The following BAG1 variants were observed in gnomAD, a reference collection of about 807,000 sequenced individuals.
The protein encoded by BAG1 is BAG family molecular chaperone regulator 1.
In BAG1, 35 loss-of-function variants were observed where a neutral mutation model predicts 35.5. That is an observed-to-expected ratio of 0.99 (90% confidence interval 0.75 to 1.31). The LOEUF (loss-of-function observed/expected upper bound fraction) is 1.31, where lower values mean the gene tolerates loss of function less well. Ranked by LOEUF, BAG1 falls within the 50% of genes most tolerant of loss-of-function variation. BAG1 has a pLI of 0.00. For missense variants in BAG1, 464 were observed against 453.6 expected, an observed-to-expected ratio of 1.02 and a Z score of -0.21; for synonymous variants, 191 against 178.9, an observed-to-expected ratio of 1.07 and a Z score of -0.54.
Position 33,255,197 on chromosome 9 carries a change from C to T in BAG1, c.*22G>A, listed in dbSNP as rs1273321315. On this transcript the variant is annotated 3_prime_UTR_variant, in exon 7 of 7. Transcript: ENST00000634734. ...CTGGTGGCGCCATTCTTCAGGGCAGCACAGCCTTTTTCTGCTACACCTCAC... is the reference window on the plus strand; with the variant it reads ...CTGGTGGCGCCATTCTTCAGGGCAGTACAGCCTTTTTCTGCTACACCTCAC... The T allele has an allele frequency of 4.3e-6, 7 of 1,614,236 alleles. No individual in the cohort carries two copies. The highest frequency in any genetic ancestry group is 3.3e-5 in the Admixed American group (2 of 60,020).
rs566537688 is a variant in BAG1, at chr9:33,264,573, C to T, written c.102G>A (p.Glu34=). 6.8e-5 allele frequency: 97 copies of T among 1,419,368 alleles called. No individual in the cohort carries two copies. In the Admixed American group the frequency reaches 2.1e-3, roughly 30 times the overall value. 87.9% of individuals were successfully genotyped at this position (1,419,368 alleles called of 1,614,324 possible). Residue 34 remains glutamate (E), a synonymous_variant, in exon 1 of 7, where the codon GAG becomes GAA. Coordinates refer to ENST00000634734, the MANE Select transcript of BAG1 (RefSeq NM_004323.6). ...GAGGCGGACCACGCTGGGCCGGGGG[C>T]TCCGACTGGCGCGGCTCCCGGCCTG... is the stretch of plus-strand genomic sequence containing the variant.
rs889312053 is a variant in BAG1, at chr9:33,253,233, T to A, written c.*1986A>T. ...TGGGCCTGTGCAACCCTGTGTTGGT[T>A]GAGAGGCAGTACAGTAGAGGGGAAA... On this transcript the variant is annotated 3_prime_UTR_variant, in exon 7 of 7. Transcript: ENST00000634734. The A allele has an allele frequency of 2.0e-5, 3 of 152,176 alleles. No individual in the cohort carries two copies. The highest frequency in any genetic ancestry group is 4.4e-5 in the Non-Finnish European group (3 of 68,058). 9.4% of individuals were successfully genotyped at this position (152,176 alleles called of 1,614,324 possible).
chr9:33,261,682 CAA>C (rs977172534), intron 2 of BAG1, among the ~76,000 whole-genome samples: 1 of 152,066 alleles, frequency 6.6e-6, no homozygotes, highest in African/African-American at 2.4e-5. Flanking sequence ...AAATTAAAGA[CAA>C]TATGTTACAC....
At position 33,261,138 on chromosome 9, in the gene BAG1, C is replaced by T; in HGVS notation, c.612G>A (p.Leu204=). 6.2e-7 allele frequency: 1 copy of T among 1,610,456 alleles called. No homozygotes were observed. Among genetic ancestry groups the T allele is most frequent in the Non-Finnish European group, 8.5e-7 (1 of 1,178,660 alleles). Reference sequence around the variant, plus strand: ...AACCATCTTGTATTCCAAGTGCTGACAACGGTGTTTCCATTTCCTTCAGAG... The same window carrying T: ...AACCATCTTGTATTCCAAGTGCTGATAACGGTGTTTCCATTTCCTTCAGAG... Residue 204 remains leucine (L), a synonymous_variant, in exon 3 of 7, where the codon TTG becomes TTA. Coordinates refer to ENST00000634734, the MANE Select transcript of BAG1 (RefSeq NM_004323.6).
chr9:33,261,976 G>A, intron 2 of BAG1: 2 of 1,183,404 alleles, frequency 1.7e-6, no homozygotes, highest in Admixed American at 3.4e-5. Context: ...CCTCACGGAG[G>A]CTGTTATTTT....
intron 1 of BAG1, 97 bp downstream of exon 1, chr9:33,264,127 G>GC (rs1374881003): frequency 2.1e-6 from 3 of 1,403,670 alleles, no homozygotes; most frequent in Non-Finnish European, 2.9e-6. Flanking sequence ...CAGGACAAGC[G>GC]CAAGGTCACA....
chr9:33,264,665 G>A lies in BAG1; in HGVS notation c.10C>T (p.Arg4Cys), dbSNP rs1206328981. Residue 4 changes from arginine (R) to cysteine (C), a missense_variant, in exon 1 of 7, where the codon CGC (arginine) becomes TGC (cysteine). Transcript: ENST00000634734. ...CCTCGCGGTCTCCGCGCCCCCCCGCGCTGAGCCAGGCCCGCACTTGTTGAC... is the reference window on the plus strand; with the variant it reads ...CCTCGCGGTCTCCGCGCCCCCCCGCACTGAGCCAGGCCCGCACTTGTTGAC... 1.5e-6 allele frequency: 2 copies of A among 1,346,374 alleles called. No homozygotes were observed. Among genetic ancestry groups the A allele is most frequent in the South Asian group, 1.9e-5 (1 of 51,672 alleles). 83.4% of individuals were successfully genotyped at this position (1,346,374 alleles called of 1,614,324 possible).
Position 33,264,472 on chromosome 9 carries a change from C to G in BAG1, c.203G>C (p.Arg68Pro), listed in dbSNP as rs1564083190. 5 of 1,612,128 alleles carry G rather than the reference C, an allele frequency of 3.1e-6. No homozygotes were observed. In the African/African-American group the frequency reaches 4.0e-5, roughly 13 times the overall value. ...GGTTTTCTTCTTCATCCGCGGCCTG[C>G]GAGCGCCGGCGGCGGCGCCCCTGGT... The change falls in exon 1 of 7, where the codon CGC becomes CCC. Residue 68 changes from arginine (R) to proline (P), a missense_variant. Physicochemically the swap from Arg to Pro is moderately radical, Grantham distance 103. Transcript: ENST00000634734.
At chr9:33,256,532 C>T (rs545137686) in intron 5 of BAG1, among the ~76,000 whole-genome samples, 7 of 152,328 alleles carry the variant, frequency 4.6e-5, no homozygotes, top group African/African-American at 1.4e-4. Flanking sequence ...GTCCCAGCTT[C>T]ATGACGATTA....
chr9:33,262,892 C>T (rs914936567), intron 1 of BAG1, 62 bp from the exon 2 acceptor site: 159 of 1,584,766 alleles, frequency 1.0e-4, no homozygotes, highest in Non-Finnish European at 1.3e-4. Context: ...TATAGGATGA[C>T]ACTTTATCAC....
At position 33,256,912 on chromosome 9, in the gene BAG1, C is replaced by T. The variant is rs747479504; in HGVS notation, c.778-4G>A. ...GCAAATCCTTGGGCAGAAAACCCTG[C>T]GGGGAAATAATGCATTATTGCAAGG... On this transcript the variant is annotated splice_region_variant and splice_polypyrimidine_tract_variant and intron_variant, in intron 4 of 6. Transcript: ENST00000634734. 3.8e-5 allele frequency: 62 copies of T among 1,611,888 alleles called. No homozygotes were observed. Among genetic ancestry groups the T allele is most frequent in the Admixed American group, 1.2e-4 (7 of 59,966 alleles).
intron 3 of BAG1, chr9:33,260,473 C>G (rs1214823352): frequency 6.6e-6 from 1 of 152,174 alleles, no homozygotes; most frequent in Non-Finnish European, 1.5e-5. Flanking sequence ...TGTTTATCTG[C>G]CCTCTCTCTA....
Position 33,262,795 on chromosome 9 carries a change from G to C in BAG1, c.487C>G (p.Gln163Glu). Residue 163 changes from glutamine to glutamate, a missense_variant, in exon 2 of 7, where the codon CAG becomes GAG. Gln to Glu is a conservative substitution (Grantham distance 29). Transcript: ENST00000634734. Reference sequence around the variant, plus strand: ...TGGACAACTGGTTCACTGCTGCCCTGCTGGGAGGTAACATGAAGGTCGTGC... The same window carrying C: ...TGGACAACTGGTTCACTGCTGCCCTCCTGGGAGGTAACATGAAGGTCGTGC... 1 of 1,614,056 alleles carries C rather than the reference G, an allele frequency of 6.2e-7. No individual in the cohort carries two copies. The highest frequency in any genetic ancestry group is 8.5e-7 in the Non-Finnish European group (1 of 1,179,932).
At chr9:33,257,636 T>C (rs1197162642) in intron 4 of BAG1, 1 of 152,130 alleles carries the variant, frequency 6.6e-6, no homozygotes, top group Non-Finnish European at 1.5e-5. Flanking sequence ...AAACCAGGAA[T>C]GGTCAAAAAA....
chr9:33,263,508 G>C (rs993081924), intron 1 of BAG1, among the ~76,000 whole-genome samples: 4 of 152,172 alleles, frequency 2.6e-5, no homozygotes, highest in Admixed American at 2.6e-4. Flanking sequence ...TTACACCAAG[G>C]TTTGGTTCCC....
chr9:33,263,210 T>A (rs3758271), intron 1 of BAG1, among the ~76,000 whole-genome samples: 1 of 152,142 alleles, frequency 6.6e-6, no homozygotes, highest in African/African-American at 2.4e-5. Flanking sequence ...GAAGTTGATA[T>A]CAGATCTAGC....
chr9:33,255,198 ACAG>A lies in BAG1; in HGVS notation c.*18_*20del. 1 of 1,614,256 alleles carries A rather than the reference ACAG, an allele frequency of 6.2e-7. No individual in the cohort carries two copies. On this transcript the variant is annotated 3_prime_UTR_variant, in exon 7 of 7. Coordinates refer to ENST00000634734, the MANE Select transcript of BAG1 (RefSeq NM_004323.6). The stretch of plus-strand genomic sequence containing the variant: ...TGGTGGCGCCATTCTTCAGGGCAGC[ACAG>A]CCTTTTTCTGCTACACCTCACTCGG...
rs796698504 is a variant in BAG1, at chr9:33,259,361, C to CA, written c.664-329dup. ...CCAGGGTGACAGAGCGAGACTGTCT[C>CA]AAAAAAAAAAAAGAAAAAAGAAAAA... On this transcript the variant is annotated intron_variant, in intron 3 of 6. Coordinates refer to ENST00000634734, the MANE Select transcript of BAG1 (RefSeq NM_004323.6). 5.8e-3 allele frequency: 784 copies of CA among 134,386 alleles called. 3 individuals carry two copies. The highest frequency in any genetic ancestry group is 0.011 in the African/African-American group (380 of 35,186). The allele number at this position is 134,386 out of a possible 1,614,324, so 8.3% of individuals were successfully genotyped here. A position where few individuals can be genotyped will look rare whatever the true frequency, so the allele number is the denominator to read the frequency against.
chr9:33,255,948 A>T, intron 5 of BAG1, 21 bp from the exon 6 acceptor site: 1 of 1,589,100 alleles, frequency 6.3e-7, no homozygotes, highest in South Asian at 1.1e-5. Context: ...GTAAGTTGAT[A>T]ATACAAGTTA....
Sources: allele counts gnomAD v4.1 joint callset (sites outside exome capture counted in the v4.1 genomes callset), GRCh38; gene constraint gnomAD v4.1.1; transcripts MANE v1.5; gene names NCBI Gene and HGNC (gene_info 2026-07-23, HGNC 2026-07-21).